LHFPL3: variants seen among roughly 807,000 people sequenced by gnomAD.
The protein encoded by LHFPL3 is LHFPL tetraspan subfamily member 3.
A neutral mutation model predicts 19.3 loss-of-function variants in LHFPL3; 5 were observed. The ratio of observed to expected loss-of-function variants is 0.26; its 90% CI spans 0.14 to 0.54. The LOEUF (loss-of-function observed/expected upper bound fraction) is 0.54, where lower values mean the gene tolerates loss of function less well. Ranked by LOEUF, LHFPL3 falls within the 20% of genes least tolerant of loss-of-function variation. The pLI is 0.94. For missense variants in LHFPL3, 249 were observed against 307.4 expected, an observed-to-expected ratio of 0.81 and a Z score of 1.42; for synonymous variants, 133 against 126.2, an observed-to-expected ratio of 1.05 and a Z score of -0.36.
At chr7:104,614,708 T>A (rs868769447) in intron 1 of LHFPL3, among the ~76,000 whole-genome samples, 7 of 132,992 alleles carry the variant, frequency 5.3e-5, no homozygotes, top group African/African-American at 2.0e-4. Flanking sequence ...TCTTTCTTTC[T>A]TTCTTTCTTT....
At chr7:104,573,271 G>A (rs540270866) in intron 1 of LHFPL3, among the ~76,000 whole-genome samples, 2 of 151,992 alleles carry the variant, frequency 1.3e-5, no homozygotes, top group African/African-American at 4.8e-5. Context: ...AAATTAGCCG[G>A]CATAGTGGCG....
intron 1 of LHFPL3, among the ~76,000 whole-genome samples, chr7:104,368,503 G>A (rs375339672): frequency 3.3e-5 from 5 of 152,140 alleles, no homozygotes; most frequent in African/African-American, 7.2e-5. Context: ...TTTCTGCGGC[G>A]CGTAATCTCC....
chr7:104,765,646 G>A (rs766067772), intron 2 of LHFPL3, among the ~76,000 whole-genome samples: 3 of 152,194 alleles, frequency 2.0e-5, no homozygotes, highest in South Asian at 2.1e-4. Flanking sequence ...CATGTACAAA[G>A]TGCAATACTG....
chr7:104,791,747 A>G (rs1790028165), intron 2 of LHFPL3, among the ~76,000 whole-genome samples: 1 of 152,216 alleles, frequency 6.6e-6, no homozygotes, highest in Non-Finnish European at 1.5e-5. Context: ...ACTAAGGGAT[A>G]CATTTCCTGA....
chr7:104,564,711 TG>T (rs1331308408), intron 1 of LHFPL3, among the ~76,000 whole-genome samples: 4 of 152,188 alleles, frequency 2.6e-5, no homozygotes, highest in Admixed American at 6.5e-5. Flanking sequence ...TGGAAGGCAG[TG>T]GAAAGTAGCT....
At chr7:104,807,417 C>T (rs546622148) in intron 2 of LHFPL3, among the ~76,000 whole-genome samples, 6 of 152,274 alleles carry the variant, frequency 3.9e-5, no homozygotes, top group African/African-American at 9.6e-5. Context: ...AACTGTTAGA[C>T]GATAAATTTC....
intron 1 of LHFPL3, among the ~76,000 whole-genome samples, chr7:104,524,107 A>G (rs1370784166): frequency 2.0e-5 from 3 of 152,194 alleles, no homozygotes; most frequent in Non-Finnish European, 2.9e-5. Flanking sequence ...TTAAATAACA[A>G]TTATTGAGAT....
intron 1 of LHFPL3, among the ~76,000 whole-genome samples, chr7:104,733,252 G>A (rs1396805699): frequency 6.6e-6 from 1 of 152,186 alleles, no homozygotes; most frequent in Non-Finnish European, 1.5e-5. Context: ...GCTTGGTACA[G>A]AGCTGAATTC....
chr7:104,596,365 G>A (rs958752030), intron 1 of LHFPL3, among the ~76,000 whole-genome samples: 2 of 152,188 alleles, frequency 1.3e-5, no homozygotes, highest in African/African-American at 2.4e-5. Context: ...AATCATACAA[G>A]CCTTCTTTAG....
chr7:104,408,608 C>G (rs1292064314), intron 1 of LHFPL3, among the ~76,000 whole-genome samples: 1 of 152,050 alleles, frequency 6.6e-6, no homozygotes, highest in Non-Finnish European at 1.5e-5. Flanking sequence ...AAAAAGGAAG[C>G]CATCTGGCCA....
chr7:104,831,057 T>C (rs1790944828), intron 2 of LHFPL3, among the ~76,000 whole-genome samples: 1 of 151,896 alleles, frequency 6.6e-6, no homozygotes, highest in South Asian at 2.1e-4. Context: ...CTAGAAAGAA[T>C]AAAAAATTAT....
intron 1 of LHFPL3, among the ~76,000 whole-genome samples, chr7:104,601,449 G>C (rs1032661456): frequency 1.3e-5 from 2 of 152,108 alleles, no homozygotes; most frequent in Admixed American, 1.3e-4. Context: ...AAATCTATAA[G>C]GTCCTTAGAT....
At chr7:104,458,739 A>T (rs1282500425) in intron 1 of LHFPL3, among the ~76,000 whole-genome samples, 2 of 151,348 alleles carry the variant, frequency 1.3e-5, no homozygotes, top group African/African-American at 2.4e-5. Flanking sequence ...AAAAAAAAAA[A>T]CCTTTATGTG....
chr7:104,546,403 C>G (rs545249803), intron 1 of LHFPL3, among the ~76,000 whole-genome samples: 2 of 152,168 alleles, frequency 1.3e-5, no homozygotes, highest in African/African-American at 4.8e-5. Flanking sequence ...TCCTTGCCAA[C>G]TATTTATTAA....
At chr7:104,416,876 C>T (rs1489594734) in intron 1 of LHFPL3, among the ~76,000 whole-genome samples, 1 of 152,152 alleles carries the variant, frequency 6.6e-6, no homozygotes, top group African/African-American at 2.4e-5. Flanking sequence ...GCTGCATCAT[C>T]CCATGGTGGA....
At chr7:104,437,699 T>C (rs1792137690) in intron 1 of LHFPL3, among the ~76,000 whole-genome samples, 1 of 152,244 alleles carries the variant, frequency 6.6e-6, no homozygotes, top group Middle Eastern at 3.4e-3. Flanking sequence ...TGTAAAAGCA[T>C]ACAACTCAGA....
At chr7:104,413,149 T>TGACTTTTCACCACGTGCAGGCTCC (rs1266720431) in intron 1 of LHFPL3, among the ~76,000 whole-genome samples, 3 of 152,244 alleles carry the variant, frequency 2.0e-5, no homozygotes, top group Non-Finnish European at 4.4e-5. Context: ...AAACAGGCTC[T>TGACTTTTCACCACGTGCAGGCTCC]GACTTTTCAC....
intron 1 of LHFPL3, among the ~76,000 whole-genome samples, chr7:104,569,476 G>T (rs555893927): frequency 6.6e-6 from 1 of 152,098 alleles, no homozygotes; most frequent in African/African-American, 2.4e-5. Context: ...TCTCTTATTT[G>T]GGGGGAGGGG....
At chr7:104,382,215 A>C (rs1173006683) in intron 1 of LHFPL3, among the ~76,000 whole-genome samples, 1 of 152,214 alleles carries the variant, frequency 6.6e-6, no homozygotes. Flanking sequence ...TTTGTTTGAA[A>C]TGCAAATTCT....
Sources: allele counts gnomAD v4.1 joint callset (sites outside exome capture counted in the v4.1 genomes callset), GRCh38; gene constraint gnomAD v4.1.1; transcripts MANE v1.5; gene names NCBI Gene and HGNC (gene_info 2026-07-23, HGNC 2026-07-21).